DNAJC6: variants seen among roughly 807,000 people sequenced by gnomAD.
DNAJC6 encodes the protein auxilin.
DNAJC6 carries 34 observed loss-of-function variants against 110.0 expected under a neutral mutation model. The observed-to-expected ratio is 0.31, with a 90% confidence interval of 0.24 to 0.41. The LOEUF is 0.41. Among genes scored for constraint, DNAJC6 ranks in the 10% least tolerant of loss-of-function variants. The probability of loss-of-function intolerance (pLI) is 1.00; values close to 1 mark genes in which losing one functional copy is unlikely to be tolerated. For synonymous variants in DNAJC6, 406 were observed against 437.2 expected (o/e 0.93, Z 0.89); for missense variants, 1,031 against 1,207.8 (o/e 0.85, Z 2.17).
In DNAJC6 at chr1:65,296,382, A is replaced by G. The variant is rs1417171515; in HGVS notation, c.-131+31450A>G. ...TGACAACTTTATTGGCTGAATTCAT[A>G]TTAAGCAGTGTGATGGAATGCTGAG... On this transcript the variant is annotated intron_variant, in intron 1 of 19. Coordinates refer to the DNAJC6 transcript ENST00000263441. 7.2e-5 allele frequency among the ~76,000 whole-genome samples: 11 copies of G among 152,182 alleles called. 1 individual carries two copies. The highest frequency in any genetic ancestry group is 5.9e-4 in the Admixed American group (9 of 15,276).
intron 1 of DNAJC6, among the ~76,000 whole-genome samples, chr1:65,288,342 A>G (rs756398765): frequency 2.6e-5 from 4 of 152,250 alleles, no homozygotes; most frequent in Non-Finnish European, 5.9e-5. Flanking sequence ...AAGAAAAGCA[A>G]TACAGAGAAG....
intron 4 of DNAJC6, among the ~76,000 whole-genome samples, chr1:65,377,520 A>G (rs1229113845): frequency 6.6e-6 from 1 of 152,220 alleles, no homozygotes; most frequent in Non-Finnish European, 1.5e-5. Flanking sequence ...TTTGGGAGCT[A>G]TGCCAAACAT....
At chr1:65,401,908 A>G in intron 15 of DNAJC6, 28 bp downstream of exon 15, 1 of 1,610,872 alleles carries the variant, frequency 6.2e-7, no homozygotes, top group Non-Finnish European at 8.5e-7. Flanking sequence ...CAAGATACAA[A>G]TAACATTTAT....
At chr1:65,409,584 A>G (rs1003193036) in intron 17 of DNAJC6, among the ~76,000 whole-genome samples, 2 of 152,096 alleles carry the variant, frequency 1.3e-5, no homozygotes, top group African/African-American at 4.8e-5. Flanking sequence ...TTTTTATTAA[A>G]CCAGATTGAC....
chr1:65,385,530 A>T (rs899857995), intron 6 of DNAJC6, among the ~76,000 whole-genome samples, 182 bp from the exon 7 acceptor site: 1 of 152,250 alleles, frequency 6.6e-6, no homozygotes, highest in African/African-American at 2.4e-5. Context: ...CAGCAATCTC[A>T]GTAGATAAAA....
intron 1 of DNAJC6, among the ~76,000 whole-genome samples, chr1:65,341,875 C>A (rs894214920): frequency 1.9e-4 from 29 of 152,164 alleles, no homozygotes; most frequent in South Asian, 6.2e-4. Flanking sequence ...TTTGTGGGAC[C>A]AAGTCCGTAT....
Position 65,398,900 on chromosome 1 carries a change from C to T in DNAJC6, c.2107+19C>T. On this transcript the variant is annotated intron_variant, in intron 14 of 18. Coordinates refer to ENST00000371069, the MANE Select transcript of DNAJC6 (RefSeq NM_001256864.2). ...AAACCAGGTAAAAGCAGGTTATTTT[C>T]TGTACACATTTATATAATTGCAAAA... 6.2e-7 allele frequency: 1 copy of T among 1,613,048 alleles called. No individual in the cohort carries two copies. The highest frequency in any genetic ancestry group is 8.5e-7 in the Non-Finnish European group (1 of 1,179,232).
intron 1 of DNAJC6, among the ~76,000 whole-genome samples, chr1:65,352,249 G>T (rs564224619): frequency 1.1e-3 from 163 of 152,152 alleles, no homozygotes; most frequent in African/African-American, 3.8e-3. Context: ...ATGAGTCTGG[G>T]TTCTTTCCTC....
chr1:65,308,900 T>A (rs1341831417), upstream of DNAJC6, among the ~76,000 whole-genome samples: 1 of 151,154 alleles, frequency 6.6e-6, no homozygotes, highest in African/African-American at 2.4e-5. Context: ...CCTCCTAGTA[T>A]TAGAATACCC....
chr1:65,358,643 G>C (rs1300018493), intron 1 of DNAJC6, among the ~76,000 whole-genome samples: 1 of 152,174 alleles, frequency 6.6e-6, no homozygotes, highest in Non-Finnish European at 1.5e-5. Context: ...TTACACAGTG[G>C]ATTATGTGTT....
chr1:65,326,426 G>C (rs941327514), intron 1 of DNAJC6, among the ~76,000 whole-genome samples: 1 of 152,216 alleles, frequency 6.6e-6, no homozygotes, highest in Non-Finnish European at 1.5e-5. Flanking sequence ...GAACATTCCA[G>C]ATAAAGTTGG....
intron 1 of DNAJC6, among the ~76,000 whole-genome samples, chr1:65,330,984 G>A (rs1165461379): frequency 6.6e-6 from 1 of 152,212 alleles, no homozygotes; most frequent in African/African-American, 2.4e-5. Context: ...CAGCGTGTAA[G>A]TTGCAGTCTT....
chr1:65,298,584 C>T (rs1340559544), intron 1 of DNAJC6, among the ~76,000 whole-genome samples: 2 of 150,674 alleles, frequency 1.3e-5, no homozygotes, highest in Admixed American at 1.3e-4. Context: ...TGAAAAAAGA[C>T]TGACCATGAC....
intron 17 of DNAJC6, among the ~76,000 whole-genome samples, chr1:65,409,176 T>G (rs578082439): frequency 6.6e-6 from 1 of 152,302 alleles, no homozygotes; most frequent in South Asian, 2.1e-4. Flanking sequence ...CCTAACCTCC[T>G]AATACCATCA....
At chr1:65,319,032 A>G (rs573402452) in intron 1 of DNAJC6, among the ~76,000 whole-genome samples, 6 of 152,280 alleles carry the variant, frequency 3.9e-5, no homozygotes, top group Admixed American at 2.0e-4. Context: ...GGCCCTAGCC[A>G]GGGCAGTGTC....
At chr1:65,294,189 A>G (rs1032183585) in intron 1 of DNAJC6, among the ~76,000 whole-genome samples, 1 of 152,230 alleles carries the variant, frequency 6.6e-6, no homozygotes, top group Non-Finnish European at 1.5e-5. Context: ...CAGAAAATAC[A>G]GAAGATAAAT....
At chr1:65,408,033 T>C (rs1429222782) in intron 16 of DNAJC6, among the ~76,000 whole-genome samples, 1 of 152,186 alleles carries the variant, frequency 6.6e-6, no homozygotes, top group Non-Finnish European at 1.5e-5. Flanking sequence ...CCCCATTTTA[T>C]GGATGAGGAA....
chr1:65,411,201 G>T, intron 17 of DNAJC6, 49 bp from the exon 18 acceptor site: 2 of 1,574,812 alleles, frequency 1.3e-6, no homozygotes, highest in South Asian at 2.3e-5. Context: ...GAAACCTTCT[G>T]AACTAGTAAG....
At chr1:65,301,261 TTTC>T (rs1644975820) in intron 1 of DNAJC6, among the ~76,000 whole-genome samples, 1 of 152,134 alleles carries the variant, frequency 6.6e-6, no homozygotes, top group African/African-American at 2.4e-5. Flanking sequence ...CAAAGTGCCT[TTTC>T]TTATTTTCTC....
Sources: gnomAD v4.1 joint callset for allele counts (sites outside exome capture counted in the v4.1 genomes callset) on GRCh38, gnomAD v4.1.1 for gene constraint, MANE v1.5 for transcripts, NCBI Gene and HGNC (gene_info 2026-07-23, HGNC 2026-07-21) for gene names.